The following ELP3 variants were observed in gnomAD, a reference collection of about 807,000 sequenced individuals.
The protein encoded by ELP3 is elongator complex protein 3.
In ELP3, 56 loss-of-function variants were observed where a neutral mutation model predicts 74.9. That is an observed-to-expected ratio of 0.75 (90% CI 0.60 to 0.93). ELP3 has a LOEUF of 0.93. Ranked by LOEUF, ELP3 falls within the 40% of genes least tolerant of loss-of-function variation. The pLI, the probability that ELP3 is intolerant of heterozygous loss-of-function variation, is 0.00. For synonymous variants in ELP3, 222 were observed against 239.8 expected (o/e 0.93, Z 0.68); for missense variants, 573 against 686.5 (o/e 0.83, Z 1.85).
chr8:28,094,010 TA>T (rs1269404491), intron 1 of ELP3, among the ~76,000 whole-genome samples: 1 of 152,224 alleles, frequency 6.6e-6, no homozygotes, highest in Non-Finnish European at 1.5e-5. Flanking sequence ...TCAAAAAACA[TA>T]AAATGAAAAA....
In ELP3 at chr8:28,123,787, C is replaced by T. The variant is rs138017793; in HGVS notation, c.618-5715C>T. On this transcript the variant is annotated intron_variant, in intron 7 of 14. Transcript: ENST00000256398. Reference sequence around the variant, plus strand: ...TCTTTATCATCATGAGATGTCCTTCCGCATCCCTGGTCTTGCAGTTTACTT... The same window carrying T: ...TCTTTATCATCATGAGATGTCCTTCTGCATCCCTGGTCTTGCAGTTTACTT... Among the ~76,000 whole-genome samples the T allele has an allele frequency of 3.0e-4, 46 of 151,736 alleles. 1 individual carries two copies. Among genetic ancestry groups the T allele is most frequent in the Middle Eastern group, 3.4e-3 (1 of 294 alleles).
intron 7 of ELP3, among the ~76,000 whole-genome samples, chr8:28,123,136 A>G (rs12679336): frequency 0.072 from 10,981 of 152,200 alleles, 788 homozygotes; most frequent in East Asian, 0.33. Context: ...AAAAAGAGAA[A>G]AAAAGCTTGG....
chr8:28,097,231 C>T lies in ELP3; in HGVS notation c.32C>T (p.Pro11Leu), dbSNP rs1365431164. 6.2e-7 allele frequency: 1 copy of T among 1,610,144 alleles called. No homozygotes were observed. The highest frequency in any genetic ancestry group is 8.5e-7 in the Non-Finnish European group (1 of 1,178,144). The change falls in exon 2 of 15, where the codon CCT becomes CTT. Residue 11 changes from proline (P) to leucine (L), a missense_variant. By Grantham distance (98) the Pro-to-Leu change is moderately conservative. Coordinates refer to ENST00000256398, the MANE Select transcript of ELP3 (RefSeq NM_018091.6). Reference sequence around the variant, plus strand: ...ATTAACTTTCCAGGAGATCTCAGCCCTGCTGAGCTGATGATGCTGACTATA... The same window carrying T: ...ATTAACTTTCCAGGAGATCTCAGCCTTGCTGAGCTGATGATGCTGACTATA... MRQKRKGDLSPAELMMLTIGD... is the reference protein window; with the variant it reads MRQKRKGDLSLAELMMLTIGD...
chr8:28,110,543 G>A, intron 6 of ELP3, 105 bp downstream of exon 6: 2 of 1,042,396 alleles, frequency 1.9e-6, no homozygotes, highest in South Asian at 1.5e-5. Context: ...TGAAAAAGGT[G>A]TTTTTCCTCT....
chr8:28,112,548 T>A (rs1022033077), intron 6 of ELP3: 1 of 152,366 alleles, frequency 6.6e-6, no homozygotes, highest in Non-Finnish European at 1.5e-5. Context: ...TTCTTTCCAA[T>A]CTATTCTTTT....
intron 10 of ELP3, among the ~76,000 whole-genome samples, chr8:28,142,225 C>CACTT: frequency 6.6e-6 from 1 of 152,114 alleles, no homozygotes; most frequent in Non-Finnish European, 1.5e-5. Context: ...ACCGAAAGGT[C>CACTT]ATATGATAAG....
At chr8:28,141,974 C>G (rs1407446270) in intron 10 of ELP3, among the ~76,000 whole-genome samples, 2 of 152,198 alleles carry the variant, frequency 1.3e-5, no homozygotes, top group African/African-American at 4.8e-5. Flanking sequence ...CATTTTCTCC[C>G]TTCGTTTTCG....
rs1001282665 is a variant in ELP3 at position 28,095,778 on chromosome 8, G to A, written c.20-1441G>A. On this transcript the variant is annotated intron_variant, in intron 1 of 14. Transcript: ENST00000256398. Reference sequence around the variant, plus strand: ...AATGGGATAACAGTACCTACCCTCCGTGTTACTGTAAGGGTTCAAATGAGA... The same window carrying A: ...AATGGGATAACAGTACCTACCCTCCATGTTACTGTAAGGGTTCAAATGAGA... Among the ~76,000 whole-genome samples the A allele has an allele frequency of 4.6e-5, 7 of 152,242 alleles. No homozygotes were observed. The South Asian group carries it at 8.3e-4, about 18-fold the overall frequency.
At chr8:28,091,465 A>C (rs1311372629), upstream of ELP3, among the ~76,000 whole-genome samples, 1 of 152,244 alleles carries the variant, frequency 6.6e-6, no homozygotes, top group Non-Finnish European at 1.5e-5. Context: ...GAGGTCAGAC[A>C]AATACCACTG....
chr8:28,159,158 T>C (rs1362862328), intron 12 of ELP3, among the ~76,000 whole-genome samples: 1 of 152,184 alleles, frequency 6.6e-6, no homozygotes, highest in African/African-American at 2.4e-5. Flanking sequence ...GCATAATGCC[T>C]TAAGGCATTC....
rs185369754 is a variant in ELP3 at position 28,176,615 on chromosome 8, T to C, written c.1568-13034T>C. Among the ~76,000 whole-genome samples the C allele has an allele frequency of 2.0e-4, 30 of 152,280 alleles. No individual in the cohort carries two copies. In the East Asian group the frequency reaches 5.8e-3, roughly 29 times the overall value. On this transcript the variant is annotated intron_variant, in intron 14 of 14. Transcript: ENST00000256398. The stretch of plus-strand genomic sequence containing the variant: ...GTTCCAGCATTCCAAAATAGTTGGT[T>C]GCAATTATTTTTTTTCCAGCGTAAT...
intron 14 of ELP3, chr8:28,183,199 G>T (rs1815089640): frequency 4.3e-6 from 2 of 461,076 alleles, no homozygotes; most frequent in Non-Finnish European, 4.4e-6. Flanking sequence ...CAAAGGGGTG[G>T]ATGTCCTGGG....
chr8:28,090,308 C>A, upstream of ELP3: 2 of 405,264 alleles, frequency 4.9e-6, no homozygotes, highest in South Asian at 3.7e-5. Flanking sequence ...GCTTCCTGGT[C>A]TGGTGGTGAA....
intron 9 of ELP3, 63 bp downstream of exon 9, chr8:28,132,467 C>G: frequency 6.2e-7 from 1 of 1,601,490 alleles, no homozygotes; most frequent in Admixed American, 1.7e-5. Context: ...CCCATCTGGT[C>G]TTGTTGCTTG....
rs773921061 is a variant in ELP3, at chr8:28,110,456, A to G, written c.462+18A>G. The stretch of plus-strand genomic sequence containing the variant: ...TAGAACAGGTACATTTTTAAAAAAC[A>G]TGTTTCTTAAAAATTAGGTGTTTAT... On this transcript the variant is annotated intron_variant, in intron 6 of 14. Coordinates refer to ENST00000256398, the MANE Select transcript of ELP3 (RefSeq NM_018091.6). The G allele has an allele frequency of 6.3e-7, 1 of 1,595,314 alleles. No individual in the cohort carries two copies. Among genetic ancestry groups the G allele is most frequent in the East Asian group, 2.2e-5 (1 of 44,732 alleles).
intron 7 of ELP3, among the ~76,000 whole-genome samples, chr8:28,119,220 GC>G (rs1812256475): frequency 6.6e-6 from 1 of 152,042 alleles, no homozygotes; most frequent in Non-Finnish European, 1.5e-5. Flanking sequence ...CTTAACATTG[GC>G]CAGAGAACAT....
chr8:28,144,780 T>A (rs1330957783), intron 10 of ELP3, among the ~76,000 whole-genome samples: 2 of 152,258 alleles, frequency 1.3e-5, no homozygotes, highest in Non-Finnish European at 2.9e-5. Context: ...GGCTCACGCC[T>A]GTTTTCCCAG....
intron 6 of ELP3, among the ~76,000 whole-genome samples, chr8:28,111,762 C>T (rs187675343): frequency 1.3e-5 from 2 of 152,302 alleles, no homozygotes; most frequent in African/African-American, 2.4e-5. Flanking sequence ...TAGAAATGAA[C>T]ATAGAGCAGT....
intron 10 of ELP3, among the ~76,000 whole-genome samples, chr8:28,151,559 A>G (rs560543918): frequency 6.6e-6 from 1 of 152,358 alleles, no homozygotes; most frequent in East Asian, 1.9e-4. Flanking sequence ...ATAGGCTTAT[A>G]GTAACCCGAT....
Sources: allele counts gnomAD v4.1 joint callset (sites outside exome capture counted in the v4.1 genomes callset), GRCh38; gene constraint gnomAD v4.1.1; transcripts MANE v1.5; gene names NCBI Gene and HGNC (gene_info 2026-07-23, HGNC 2026-07-21).